The following GCM2 variants were observed in gnomAD, a reference collection of about 807,000 sequenced individuals.
The protein encoded by GCM2 is chorion-specific transcription factor GCMb.
In GCM2, 21 loss-of-function variants were observed where a neutral mutation model predicts 24.8. The ratio of observed to expected loss-of-function variants is 0.85; its 90% CI spans 0.60 to 1.22. The LOEUF is 1.22. GCM2 is among the 50% of genes most tolerant of loss of function. GCM2 has a pLI of 0.00. For missense variants in GCM2, 532 were observed against 645.6 expected (o/e 0.82, Z 1.91); for synonymous variants, 222 against 238.0 (o/e 0.93, Z 0.62).
chr6:10,879,217 T>A (rs1175717748), intron 1 of GCM2, among the ~76,000 whole-genome samples: 1 of 152,218 alleles, frequency 6.6e-6, no homozygotes, highest in African/African-American at 2.4e-5. Context: ...AAGCTTATAT[T>A]AAATGCTAAT....
intron 1 of GCM2, 140 bp downstream of exon 1, chr6:10,881,564 G>A (rs1481380910): frequency 1.5e-5 from 2 of 137,100 alleles, no homozygotes; most frequent in Non-Finnish European, 3.4e-5. Flanking sequence ...ATGTGTGTGT[G>A]TGTGTGTGTG....
Position 10,874,086 on chromosome 6 carries a change from G to A in GCM2, c.1430C>T (p.Thr477Ile), listed in dbSNP as rs1191821944. 2 of 1,614,238 alleles carry A rather than the reference G, an allele frequency of 1.2e-6. No homozygotes were observed. Among genetic ancestry groups the A allele is most frequent in the South Asian group, 1.1e-5 (1 of 91,090 alleles). The change falls in exon 5 of 5, where the codon ACT (threonine) becomes ATT (isoleucine). Residue 477 changes from threonine to isoleucine, a missense_variant. Thr to Ile is a moderately conservative substitution (Grantham distance 89, BLOSUM62 -1). Around this residue, in one of 3 missense-constraint regions of GCM2, gnomAD observed 434 missense variants for 521.9 expected, o/e 0.83. Coordinates refer to ENST00000379491, the MANE Select transcript of GCM2 (RefSeq NM_004752.4). Reference protein sequence around the residue: ...PVSSRTDEAETWDVCLSGLGS... With the variant: ...PVSSRTDEAEIWDVCLSGLGS... Reference sequence around the variant, plus strand: ...CAGCCCAGACAGACACACATCCCAAGTCTCTGCTTCATCTGTCCTAGAGGA... The same window carrying A: ...CAGCCCAGACAGACACACATCCCAAATCTCTGCTTCATCTGTCCTAGAGGA...
intron 1 of GCM2, among the ~76,000 whole-genome samples, chr6:10,880,806 C>T (rs1238234805): frequency 1.3e-5 from 2 of 152,182 alleles, no homozygotes; most frequent in Non-Finnish European, 2.9e-5. Flanking sequence ...GACTATGGGG[C>T]CTCCTTCCTC....
At position 10,874,195 on chromosome 6, in the gene GCM2, A is replaced by C; in HGVS notation, c.1321T>G (p.Ser441Ala). ...TTCATAGGAGGTGGCCCTGAAGGAG[A>C]GGCTGCCCTGGTGACTGTCACCGGA... ...GPPVTVTRAA[S>A]PSGPPPMKIA... Residue 441 changes from serine to alanine, a missense_variant, in exon 5 of 5, where the codon TCT (serine) becomes GCT (alanine). By Grantham distance (99) the Ser-to-Ala change is moderately conservative. Around this residue, in one of 3 missense-constraint regions of GCM2, gnomAD observed 434 missense variants for 521.9 expected, o/e 0.83. Coordinates refer to ENST00000379491, the MANE Select transcript of GCM2 (RefSeq NM_004752.4). 6.2e-7 allele frequency: 1 copy of C among 1,614,140 alleles called. No homozygotes were observed. The highest frequency in any genetic ancestry group is 8.5e-7 in the Non-Finnish European group (1 of 1,180,010).
chr6:10,875,988 G>A lies in GCM2; in HGVS notation c.485C>T (p.Pro162Leu). 6.2e-7 allele frequency: 1 copy of A among 1,613,660 alleles called. No individual in the cohort carries two copies. The highest frequency in any genetic ancestry group is 1.1e-5 in the South Asian group (1 of 91,066). Residue 162 changes from proline (P) to leucine (L), a missense_variant, in exon 4 of 5, where the codon CCA becomes CTA. This residue lies in a region of GCM2 where 434 missense variants were observed against 521.9 expected (regional missense o/e 0.83). Transcript: ENST00000379491. ...AGCTTCTGTCTCTGATTTGCTCTCT[G>A]GTCTTGGATGATCATGAACTCCCTT... ...QAKGVHDHPR[P>L]ESKSETEARR...
At chr6:10,876,887 AAC>A (rs1477769583) in intron 2 of GCM2, among the ~76,000 whole-genome samples, 1 of 152,144 alleles carries the variant, frequency 6.6e-6, no homozygotes. Context: ...AACATGGAGA[AAC>A]CCTGTCTCTA....
At chr6:10,878,894 A>G (rs1779919479) in intron 1 of GCM2, among the ~76,000 whole-genome samples, 1 of 152,208 alleles carries the variant, frequency 6.6e-6, no homozygotes, top group South Asian at 2.1e-4. Flanking sequence ...AAGGCTCAGA[A>G]GAGTGTATAA....
intron 2 of GCM2, 28 bp from the exon 3 acceptor site, chr6:10,876,585 A>G (rs1399888415): frequency 2.1e-6 from 3 of 1,396,978 alleles, no homozygotes; most frequent in African/African-American, 2.8e-5. Context: ...GAGAAATATT[A>G]ACCCTGACCC....
At chr6:10,880,385 G>A (rs573442274) in intron 1 of GCM2, among the ~76,000 whole-genome samples, 4 of 152,272 alleles carry the variant, frequency 2.6e-5, no homozygotes, top group Admixed American at 2.6e-4. Flanking sequence ...ACACAATGTT[G>A]CAATGAATTG....
chr6:10,878,666 G>A (rs1779916280), intron 1 of GCM2, among the ~76,000 whole-genome samples: 1 of 152,142 alleles, frequency 6.6e-6, no homozygotes, highest in Non-Finnish European at 1.5e-5. Flanking sequence ...TCACACTACA[G>A]TGCAGAATTG....
chr6:10,874,307 G>T lies in GCM2; in HGVS notation c.1209C>A (p.Asp403Glu). ...AAAGGCTCTTCACCTCTCGCACACT[G>T]TCACTGTATTTCATAGCAGGGGGCT... ...AYQPPAMKYS[D>E]SVREVKSLSS... Residue 403 changes from aspartate (D) to glutamate (E), a missense_variant, in exon 5 of 5, where the codon GAC (aspartate) becomes GAA (glutamate). Coordinates refer to ENST00000379491, the MANE Select transcript of GCM2 (RefSeq NM_004752.4). The T allele has an allele frequency of 6.2e-7, 1 of 1,614,226 alleles. No homozygotes were observed. Among genetic ancestry groups the T allele is most frequent in the South Asian group, 1.1e-5 (1 of 91,086 alleles).
Position 10,874,267 on chromosome 6 carries a change from C to A in GCM2, c.1249G>T (p.Ala417Ser). ...ACAGACATCCCAGTATCTTCAGGAGCATAGTTACAGCTCGAAAGGCTCTTC... is the reference window on the plus strand; with the variant it reads ...ACAGACATCCCAGTATCTTCAGGAGAATAGTTACAGCTCGAAAGGCTCTTC... ...EVKSLSSCNY[A>S]PEDTGMSVYP... The change falls in exon 5 of 5, where the codon GCT (alanine) becomes TCT (serine). Residue 417 changes from alanine to serine, a missense_variant. Coordinates refer to ENST00000379491, the MANE Select transcript of GCM2 (RefSeq NM_004752.4). 6.2e-7 allele frequency: 1 copy of A among 1,614,220 alleles called. No homozygotes were observed. Among genetic ancestry groups the A allele is most frequent in the Non-Finnish European group, 8.5e-7 (1 of 1,180,042 alleles).
chr6:10,881,581 TG>T, intron 1 of GCM2, 122 bp downstream of exon 1: 6 of 679,288 alleles, frequency 8.8e-6, no homozygotes, highest in Middle Eastern at 3.6e-4. Context: ...TGTGTGTGTG[TG>T]TGTGTGTGTG....
At chr6:10,879,752 A>G (rs910087840) in intron 1 of GCM2, among the ~76,000 whole-genome samples, 1 of 152,218 alleles carries the variant, frequency 6.6e-6, no homozygotes, top group African/African-American at 2.4e-5. Flanking sequence ...AGTCTCCTAA[A>G]AAAAAGTTCA....
chr6:10,879,332 A>G (rs1779926082), intron 1 of GCM2, among the ~76,000 whole-genome samples: 1 of 152,250 alleles, frequency 6.6e-6, no homozygotes, highest in Non-Finnish European at 1.5e-5. Flanking sequence ...GATGTAGACT[A>G]GGCCCCCATG....
At position 10,875,875 on chromosome 6, in the gene GCM2, A is replaced by C; in HGVS notation, c.582+16T>G. 1 of 1,613,506 alleles carries C rather than the reference A, an allele frequency of 6.2e-7. No homozygotes were observed. ...AAATGAGCTGAGACCACTGTGCACT[A>C]TCAGCTCCCTGTTACCTCGGATTCT... is the stretch of plus-strand genomic sequence containing the variant. On this transcript the variant is annotated intron_variant, in intron 4 of 4. Transcript: ENST00000379491.
At chr6:10,876,108 C>T (rs1779874107) in intron 3 of GCM2, 92 bp from the exon 4 acceptor site, 2 of 1,312,782 alleles carry the variant, frequency 1.5e-6, no homozygotes, top group South Asian at 2.4e-5. Flanking sequence ...CCCAACATCT[C>T]AAGAGTTTAG....
At chr6:10,881,604 G>A in intron 1 of GCM2, 100 bp downstream of exon 1, 2 of 597,584 alleles carry the variant, frequency 3.3e-6, no homozygotes, top group East Asian at 3.5e-5. Context: ...GTGTGTGTGT[G>A]TGTATGGTCC....
chr6:10,880,276 CA>C (rs1228648621), intron 1 of GCM2, among the ~76,000 whole-genome samples: 14 of 140,958 alleles, frequency 9.9e-5, no homozygotes, highest in African/African-American at 3.5e-4. Context: ...CAAACAACAA[CA>C]AAAAACCCCA....
Sources: allele counts gnomAD v4.1 joint callset (sites outside exome capture counted in the v4.1 genomes callset), GRCh38; gene constraint gnomAD v4.1.1; regional missense constraint gnomAD v4.1.1; transcripts MANE v1.5; gene names NCBI Gene and HGNC (gene_info 2026-07-23, HGNC 2026-07-21).